MITD1: variants seen among roughly 807,000 people sequenced by gnomAD.
MITD1 encodes the protein MIT domain-containing protein 1.
MITD1 carries 24 observed loss-of-function variants against 34.9 expected under a neutral mutation model. The observed-to-expected ratio is 0.69, with a 90% confidence interval of 0.50 to 0.97. MITD1 has a LOEUF of 0.97. MITD1 is among the 50% of genes least tolerant of loss of function. The pLI is 0.00. For synonymous variants in MITD1, 102 were observed against 101.4 expected (o/e 1.01, Z -0.04); for missense variants, 266 against 294.6 (o/e 0.90, Z 0.71).
chr2:99,171,817 C>T (rs2093860025), intron 2 of MITD1, 171 bp from the exon 3 acceptor site: 10 of 634,108 alleles, frequency 1.6e-5, no homozygotes, highest in East Asian at 2.9e-5. Context: ...GGATGTTACA[C>T]GTACAAAGGT....
intron 2 of MITD1, 108 bp from the exon 3 acceptor site, chr2:99,171,754 A>G: frequency 9.3e-7 from 1 of 1,072,078 alleles, no homozygotes; most frequent in Non-Finnish European, 1.3e-6. Flanking sequence ...TAATTTTTTT[A>G]ACTTATTCAG....
chr2:99,165,605 AATTC>A (rs2093823617), downstream of MITD1, among the ~76,000 whole-genome samples: 1 of 152,202 alleles, frequency 6.6e-6, no homozygotes, highest in Non-Finnish European at 1.5e-5. Flanking sequence ...AGACTTTTAT[AATTC>A]ATCTAAAGTT....
rs773077891 is a variant in MITD1 at position 99,181,014 on chromosome 2, G to A, written c.-33C>T. On this transcript the variant is annotated 5_prime_UTR_variant, in exon 1 of 7. Coordinates refer to ENST00000289359, the MANE Select transcript of MITD1 (RefSeq NM_138798.3). ...GAAGTTCTCCTCCGCCTCAACCCAG[G>A]ATGAAGTTGAGCGGGTCTGCTGCGC... is the stretch of plus-strand genomic sequence containing the variant. 6.2e-7 allele frequency: 1 copy of A among 1,600,936 alleles called. No homozygotes were observed. Among genetic ancestry groups the A allele is most frequent in the Admixed American group, 1.7e-5 (1 of 58,644 alleles).
downstream of MITD1, chr2:99,161,741 T>C (rs2093794531): frequency 2.1e-6 from 1 of 465,986 alleles, no homozygotes; most frequent in African/African-American, 2.0e-5. Flanking sequence ...ACTGTGAAAT[T>C]ATTTCAACTG....
chr2:99,161,967 C>T, exon 8 of MITD1: 1 of 1,594,430 alleles, frequency 6.3e-7, no homozygotes, highest in South Asian at 1.1e-5. Context: ...CATGCTGATC[C>T]CATTTTCAAT....
chr2:99,173,793 G>T lies in MITD1; in HGVS notation c.253+122C>A, dbSNP rs775652413. 9 of 689,120 alleles carry T rather than the reference G, an allele frequency of 1.3e-5. No individual in the cohort carries two copies. In the African/African-American group the frequency reaches 1.6e-4, roughly 13 times the overall value. The allele number at this position is 689,120 out of a possible 1,614,324, so 42.7% of individuals were successfully genotyped here. A position where few individuals can be genotyped will look rare whatever the true frequency, so the allele number is the denominator to read the frequency against. On this transcript the variant is annotated intron_variant, in intron 2 of 6. Coordinates refer to ENST00000289359, the MANE Select transcript of MITD1 (RefSeq NM_138798.3). The stretch of plus-strand genomic sequence containing the variant: ...GGAGTGGAAATACAGATTAAATCCT[G>T]TAAGCTCCCAGGGACAACTGGTCCA...
chr2:99,164,968 A>C (rs562106078), downstream of MITD1, among the ~76,000 whole-genome samples: 30 of 151,678 alleles, frequency 2.0e-4, no homozygotes, highest in African/African-American at 6.5e-4. Flanking sequence ...TGGTTTCCCC[A>C]GAACTTTCTG....
Position 99,173,991 on chromosome 2 carries a change from A to G in MITD1, c.177T>C (p.Cys59=). 1 of 1,576,968 alleles carries G rather than the reference A, an allele frequency of 6.3e-7. No individual in the cohort carries two copies. The highest frequency in any genetic ancestry group is 8.7e-7 in the Non-Finnish European group (1 of 1,148,362). ...LKGTKDNTKR[C]NLREKISKYM... Reference sequence around the variant, plus strand: ...ATTTGGAAATTTTTTCTCTGAGATTACATCTCTTAGTATTATCTTTGGTAC... The same window carrying G: ...ATTTGGAAATTTTTTCTCTGAGATTGCATCTCTTAGTATTATCTTTGGTAC... The change falls in exon 2 of 7, where the codon TGT becomes TGC. Residue 59 remains cysteine, a synonymous_variant. Coordinates refer to ENST00000289359, the MANE Select transcript of MITD1 (RefSeq NM_138798.3).
In MITD1 at chr2:99,162,097, T is replaced by C. The variant is rs1294298171; in HGVS notation, c.*125A>G. 3.1e-6 allele frequency: 5 copies of C among 1,614,064 alleles called. No individual in the cohort carries two copies. In the Admixed American group the frequency reaches 6.7e-5, roughly 22 times the overall value. On this transcript the variant is annotated 3_prime_UTR_variant, in exon 8 of 8. Coordinates refer to the MITD1 transcript ENST00000422537. ...AATGATGTCTATCAAAATCTGGCTG[T>C]GGAAGACTGGATCCATGACCATATG...
At chr2:99,178,292 C>T (rs928461067) in intron 1 of MITD1, 1 of 152,184 alleles carries the variant, frequency 6.6e-6, no homozygotes, top group African/African-American at 2.4e-5. Flanking sequence ...ATACACACCT[C>T]TTATTTTGAT....
At chr2:99,164,284 G>T (rs1470161558), downstream of MITD1, among the ~76,000 whole-genome samples, 1 of 152,010 alleles carries the variant, frequency 6.6e-6, no homozygotes, top group Admixed American at 6.6e-5. Context: ...CTTCAGAAAT[G>T]AGTCCCTCCA....
At chr2:99,175,062 TTTGAG>T (rs1458272807) in intron 1 of MITD1, among the ~76,000 whole-genome samples, 2 of 152,180 alleles carry the variant, frequency 1.3e-5, no homozygotes, top group Non-Finnish European at 2.9e-5. Context: ...TAAAAAACAT[TTTGAG>T]TTAATTTTTT....
intron 1 of MITD1, 61 bp from the exon 2 acceptor site, chr2:99,174,077 AT>A: frequency 1.3e-5 from 12 of 929,648 alleles, no homozygotes; most frequent in Non-Finnish European, 1.9e-5. Flanking sequence ...TAATTTGGGC[AT>A]TATTTTCAGT....
intron 7 of MITD1, among the ~76,000 whole-genome samples, chr2:99,164,085 T>A (rs1357634134): frequency 6.6e-6 from 1 of 152,212 alleles, no homozygotes; most frequent in African/African-American, 2.4e-5. Flanking sequence ...ATATAATCAT[T>A]GAAGATTAGC....
chr2:99,166,883 ATATATATATATAT>A (rs1559174815), downstream of MITD1, among the ~76,000 whole-genome samples: 463 of 143,114 alleles, frequency 3.2e-3, 2 homozygotes, highest in African/African-American at 0.011. Flanking sequence ...ATATATATAT[ATATATATATATAT>A]AAATTTTTCA....
intron 1 of MITD1, among the ~76,000 whole-genome samples, chr2:99,180,478 T>G (rs763565598): frequency 1.2e-4 from 18 of 152,210 alleles, no homozygotes; most frequent in Non-Finnish European, 5.9e-5. Context: ...AGAAAATAAT[T>G]TTAATGCCCC....
chr2:99,178,226 T>C (rs908564914), intron 1 of MITD1: 5 of 152,220 alleles, frequency 3.3e-5, no homozygotes, highest in African/African-American at 9.6e-5. Flanking sequence ...ATGGATCATA[T>C]GGTAGTTCTC....
downstream of MITD1, among the ~76,000 whole-genome samples, chr2:99,167,873 G>C (rs1008125001): frequency 1.2e-4 from 18 of 152,080 alleles, no homozygotes; most frequent in Non-Finnish European, 2.5e-4. Context: ...AAAAAATCAG[G>C]AACTGTTCTG....
At chr2:99,171,261 G>T in intron 4 of MITD1, 82 bp downstream of exon 4, 1 of 979,316 alleles carries the variant, frequency 1.0e-6, no homozygotes, top group Non-Finnish European at 1.6e-6. Flanking sequence ...CTGAAGCACT[G>T]CATCTGTGTT....
Sources: gnomAD v4.1 joint callset for allele counts (sites outside exome capture counted in the v4.1 genomes callset) on GRCh38, gnomAD v4.1.1 for gene constraint, MANE v1.5 for transcripts, NCBI Gene and HGNC (gene_info 2026-07-23, HGNC 2026-07-21) for gene names.